Variants in SQOR observed in about 807,000 individuals in gnomAD.
SQOR encodes the protein sulfide:quinone oxidoreductase, mitochondrial.
SQOR carries 39 observed loss-of-function variants against 48.6 expected under a neutral mutation model. The observed-to-expected ratio is 0.80, with a 90% CI of 0.62 to 1.05. The LOEUF (loss-of-function observed/expected upper bound fraction) is 1.05, where lower values mean the gene tolerates loss of function less well. SQOR is among the 50% of genes least tolerant of loss of function. The pLI, the probability that SQOR is intolerant of heterozygous loss-of-function variation, is 0.00. For synonymous variants in SQOR, 220 were observed against 206.2 expected, an observed-to-expected ratio of 1.07 and a Z score of -0.57; for missense variants, 561 against 559.9, an observed-to-expected ratio of 1.00 and a Z score of -0.02.
chr15:45,670,059 T>C (rs961980046), intron 4 of SQOR, 78 bp downstream of exon 4: 14 of 1,358,878 alleles, frequency 1.0e-5, no homozygotes, highest in Non-Finnish European at 1.5e-5. Flanking sequence ...TGCTTTATTA[T>C]ATTCATTTTG....
upstream of SQOR, among the ~76,000 whole-genome samples, chr15:45,634,225 T>TATATATATATATATATATATATA (rs1566912034): frequency 5.2e-3 from 648 of 125,554 alleles, no homozygotes; most frequent in Non-Finnish European, 7.1e-3. Flanking sequence ...TATATATATA[T>TATATATATATATATATATATATA]TCAAAATTCA....
intron 5 of SQOR, 77 bp from the exon 6 acceptor site, chr15:45,676,024 A>T: frequency 7.0e-7 from 1 of 1,422,594 alleles, no homozygotes; most frequent in Non-Finnish European, 9.5e-7. Context: ...TGAGGGTTTT[A>T]ATTCTTGTCT....
At chr15:45,652,545 T>C (rs1889513190) in intron 1 of SQOR, among the ~76,000 whole-genome samples, 1 of 151,944 alleles carries the variant, frequency 6.6e-6, no homozygotes, top group Non-Finnish European at 1.5e-5. Context: ...GGTTTCACCA[T>C]GTTGGCCAGG....
In SQOR at chr15:45,649,740, A is replaced by G. The variant is rs186612113; in HGVS notation, c.-17-9167A>G. 2.2e-4 allele frequency among the ~76,000 whole-genome samples: 33 copies of G among 151,928 alleles called. No homozygotes were observed. The East Asian group carries it at 5.8e-3, about 27-fold the overall frequency. ...TGAGGTGATCTACCTGACTTGGCCT[A>G]CCAAAGTGCTGGAATTACAGGCGTG... is the stretch of plus-strand genomic sequence containing the variant. On this transcript the variant is annotated intron_variant, in intron 1 of 9. Transcript: ENST00000260324.
At chr15:45,655,014 C>T (rs1380531090) in intron 1 of SQOR, among the ~76,000 whole-genome samples, 1 of 152,206 alleles carries the variant, frequency 6.6e-6, no homozygotes, top group Non-Finnish European at 1.5e-5. Flanking sequence ...GAGCCGCCAT[C>T]TTGAACATGA....
chr15:45,659,168 C>G lies in SQOR; in HGVS notation c.234+11C>G, dbSNP rs1194615647. The G allele has an allele frequency of 5.3e-6, 8 of 1,502,522 alleles. No homozygotes were observed. The highest frequency in any genetic ancestry group is 7.2e-6 in the Non-Finnish European group (8 of 1,116,286). 93.1% of individuals were successfully genotyped at this position (1,502,522 alleles called of 1,614,324 possible). A position where few individuals can be genotyped will look rare whatever the true frequency, so the allele number is the denominator to read the frequency against. On this transcript the variant is annotated intron_variant, in intron 2 of 9. Transcript: ENST00000260324. ...GTTGAGCCCAGTGAGGTAAGCCTCC[C>G]CTTTTGAGGGCCTGGGTGTGTGTGT...
chr15:45,673,203 A>G (rs1349502609), intron 4 of SQOR, among the ~76,000 whole-genome samples: 1 of 152,194 alleles, frequency 6.6e-6, no homozygotes, highest in African/African-American at 2.4e-5. Context: ...GTCTGGTACA[A>G]CCTGATAAAG....
chr15:45,643,499 A>G (rs988686546), intron 1 of SQOR, among the ~76,000 whole-genome samples: 5 of 152,160 alleles, frequency 3.3e-5, no homozygotes, highest in African/African-American at 1.2e-4. Flanking sequence ...CTGGCCTGGA[A>G]ACATTCTTAA....
Position 45,662,111 on chromosome 15 carries a change from G to A in SQOR, c.391G>A (p.Asp131Asn), listed in dbSNP as rs1229533621. 1.2e-6 allele frequency: 2 copies of A among 1,613,880 alleles called. No individual in the cohort carries two copies. Among genetic ancestry groups the A allele is most frequent in the Non-Finnish European group, 1.7e-6 (2 of 1,179,850 alleles). ...LNPDKNCIHT[D>N]DDEKISYRYL... ...CCCAGACAAGAACTGCATTCACACA[G>A]ATGACGACGAGAAGGTAACCACTGA... Residue 131 changes from aspartate (D) to asparagine (N), a missense_variant, in exon 3 of 10, where the codon GAT becomes AAT. Coordinates refer to ENST00000260324, the MANE Select transcript of SQOR (RefSeq NM_021199.4).
At chr15:45,635,522 G>A (rs1453581559) in intron 1 of SQOR, among the ~76,000 whole-genome samples, 1 of 152,164 alleles carries the variant, frequency 6.6e-6, no homozygotes, top group Non-Finnish European at 1.5e-5. Flanking sequence ...GTCATCCACC[G>A]ACACTGCGCG....
chr15:45,672,410 ACTAT>A (rs1434481500), intron 4 of SQOR, among the ~76,000 whole-genome samples: 6 of 152,192 alleles, frequency 3.9e-5, no homozygotes, highest in Non-Finnish European at 8.8e-5. Flanking sequence ...CAATGTTACT[ACTAT>A]CTAACTGTAA....
intron 1 of SQOR, among the ~76,000 whole-genome samples, chr15:45,651,446 G>A (rs1228829502): frequency 6.6e-6 from 1 of 152,224 alleles, no homozygotes; most frequent in Non-Finnish European, 1.5e-5. Context: ...CCCATAGAGG[G>A]GCCCCCACAG....
At chr15:45,645,745 T>C (rs1413901292) in intron 1 of SQOR, 1 of 152,230 alleles carries the variant, frequency 6.6e-6, no homozygotes, top group East Asian at 1.9e-4. Context: ...GGACTTAGCT[T>C]CTATAATCTT....
intron 6 of SQOR, among the ~76,000 whole-genome samples, chr15:45,679,774 C>T (rs1890093745): frequency 6.6e-6 from 1 of 152,112 alleles, no homozygotes; most frequent in Non-Finnish European, 1.5e-5. Flanking sequence ...TTCCTTCAAG[C>T]CAGAGATTGT....
chr15:45,682,770 G>A, intron 7 of SQOR, 109 bp downstream of exon 7: 2 of 1,309,476 alleles, frequency 1.5e-6, no homozygotes, highest in Middle Eastern at 2.7e-4. Flanking sequence ...GTTCCTGCCT[G>A]TAATCCCAGC....
intron 4 of SQOR, among the ~76,000 whole-genome samples, chr15:45,672,338 CT>C (rs1889959468): frequency 6.6e-6 from 1 of 152,016 alleles, no homozygotes; most frequent in African/African-American, 2.4e-5. Context: ...TGATGTGAAA[CT>C]TTGAAAACAT....
In SQOR at chr15:45,691,137, T is replaced by TC; in HGVS notation, c.*109dup. The TC allele has an allele frequency of 2.0e-6, 2 of 981,404 alleles. No individual in the cohort carries two copies. The highest frequency in any genetic ancestry group is 4.8e-5 in the East Asian group (2 of 41,896). The allele number at this position is 981,404 out of a possible 1,614,324, so 60.8% of individuals were successfully genotyped here. ...CTTGGAACCTATCCTTGTAAAGAGT[T>TC]CCTTGATGGGTAATGGTGACCAAAT... On this transcript the variant is annotated 3_prime_UTR_variant, in exon 10 of 10. Coordinates refer to ENST00000260324, the MANE Select transcript of SQOR (RefSeq NM_021199.4).
intron 1 of SQOR, among the ~76,000 whole-genome samples, chr15:45,648,070 G>A (rs529444932): frequency 7.2e-5 from 11 of 152,298 alleles, no homozygotes; most frequent in African/African-American, 2.4e-4. Context: ...TCTGTAAAAT[G>A]GGGATTTTAT....
intron 4 of SQOR, among the ~76,000 whole-genome samples, chr15:45,671,570 A>C (rs1487631960): frequency 6.6e-6 from 1 of 152,218 alleles, no homozygotes; most frequent in Non-Finnish European, 1.5e-5. Context: ...TCACTGTGCT[A>C]CTTGGGACTC....
Sources: gnomAD v4.1 joint callset for allele counts (sites outside exome capture counted in the v4.1 genomes callset) on GRCh38, gnomAD v4.1.1 for gene constraint, MANE v1.5 for transcripts, NCBI Gene and HGNC (gene_info 2026-07-23, HGNC 2026-07-21) for gene names.